The following ATAD2B variants were observed in gnomAD, a reference collection of about 807,000 sequenced individuals.
ATAD2B encodes the protein ATPase family AAA domain-containing protein 2B.
In ATAD2B, 40 loss-of-function variants were observed where a neutral mutation model predicts 167.6. That is an observed-to-expected ratio of 0.24 (90% CI 0.19 to 0.31). The LOEUF is 0.31. ATAD2B is among the 10% of genes least tolerant of loss of function. The pLI is 1.00. For synonymous variants in ATAD2B, 579 were observed against 596.5 expected (o/e 0.97, Z 0.43); for missense variants, 1,242 against 1,757.2 (o/e 0.71, Z 5.24).
rs116740489 is a variant in ATAD2B at position 23,760,570 on chromosome 2, G to A, written c.3394+1639C>T. 6.1e-3 allele frequency among the ~76,000 whole-genome samples: 934 copies of A among 151,876 alleles called. 8 individuals are homozygous for A. The highest frequency in any genetic ancestry group is 0.022 in the African/African-American group (898 of 41,386). On this transcript the variant is annotated intron_variant, in intron 24 of 27. Coordinates refer to ENST00000238789, the MANE Select transcript of ATAD2B (RefSeq NM_017552.4). ...CCCAGTAGCTTGGGAAGCTGAGGTG[G>A]GAGAATTGCTTGAACCTGAGGAGGC...
chr2:23,714,064 C>G, the ATAD2B span, among the ~76,000 whole-genome samples: 1,801 of 152,138 alleles, frequency 0.012, 47 homozygotes, highest in African/African-American at 0.041. Flanking sequence ...CGTATTTGGC[C>G]ATTACCCCCC....
intron 1 of ATAD2B, among the ~76,000 whole-genome samples, chr2:23,903,553 C>T (rs1273481383): frequency 6.6e-6 from 1 of 152,040 alleles, no homozygotes; most frequent in Non-Finnish European, 1.5e-5. Flanking sequence ...CATCAGCTAC[C>T]ATAAATAGTG....
chr2:23,707,127 T>A, the ATAD2B span: 2 of 153,014 alleles, frequency 1.3e-5, no homozygotes, highest in African/African-American at 4.8e-5. Flanking sequence ...ATCTACACTT[T>A]CAGTGGCCGA....
intron 12 of ATAD2B, among the ~76,000 whole-genome samples, chr2:23,858,231 C>T (rs527869909): frequency 1.8e-4 from 27 of 152,092 alleles, no homozygotes; most frequent in African/African-American, 6.5e-4. Flanking sequence ...ACTGATTCTC[C>T]TGCCTCAGCC....
intron 9 of ATAD2B, among the ~76,000 whole-genome samples, chr2:23,869,070 T>C (rs1217949494): frequency 6.6e-6 from 1 of 152,204 alleles, no homozygotes; most frequent in Non-Finnish European, 1.5e-5. Flanking sequence ...TTCCAAGACC[T>C]GCTAACTGAA....
At chr2:23,861,377 T>C (rs1164503990) in intron 12 of ATAD2B, among the ~76,000 whole-genome samples, 1 of 151,984 alleles carries the variant, frequency 6.6e-6, no homozygotes, top group African/African-American at 2.4e-5. Context: ...CAAACATTTT[T>C]CTGACATAGA....
chr2:23,815,387 T>G (rs988561724), intron 17 of ATAD2B, among the ~76,000 whole-genome samples: 1 of 152,110 alleles, frequency 6.6e-6, no homozygotes, highest in Non-Finnish European at 1.5e-5. Context: ...GGAAAGAAGT[T>G]GAGAATGATG....
the ATAD2B span, chr2:23,697,384 T>A: frequency 2.0e-5 from 3 of 152,256 alleles, no homozygotes; most frequent in Non-Finnish European, 2.9e-5. Flanking sequence ...AACTAGTGCC[T>A]GGAGGGTAAC....
the ATAD2B span, chr2:23,693,231 G>C: frequency 1.3e-6 from 2 of 1,519,262 alleles, no homozygotes; most frequent in African/African-American, 2.8e-5. Flanking sequence ...ACTGCTTCCC[G>C]GGCCTTTGGG....
At chr2:23,913,238 CTA>C (rs1702552819) in intron 1 of ATAD2B, among the ~76,000 whole-genome samples, 1 of 152,178 alleles carries the variant, frequency 6.6e-6, no homozygotes, top group African/African-American at 2.4e-5. Context: ...AATATACAAA[CTA>C]TGTTAAGTGA....
chr2:23,783,167 G>T, intron 21 of ATAD2B, 139 bp from the exon 22 acceptor site: 1 of 442,306 alleles, frequency 2.3e-6, no homozygotes, highest in Non-Finnish European at 3.8e-6. Context: ...AAATTGCAGC[G>T]CTATTTATGC....
intron 20 of ATAD2B, 139 bp downstream of exon 20, chr2:23,788,373 C>T (rs1439506642): frequency 1.1e-6 from 1 of 944,338 alleles, no homozygotes; most frequent in Non-Finnish European, 1.6e-6. Flanking sequence ...TGGACACTTC[C>T]ACACGTCATC....
At chr2:23,899,881 G>A (rs937918784) in intron 1 of ATAD2B, among the ~76,000 whole-genome samples, 33 of 149,608 alleles carry the variant, frequency 2.2e-4, no homozygotes, top group East Asian at 7.8e-4. Context: ...GAGCCACCGC[G>A]CCCAGTAGTC....
chr2:23,877,970 T>G (rs979060861), intron 7 of ATAD2B, among the ~76,000 whole-genome samples: 7 of 119,846 alleles, frequency 5.8e-5, no homozygotes, highest in Non-Finnish European at 9.7e-5. Flanking sequence ...CAGTGAGCCA[T>G]GTTCGCACCA....
At position 23,762,210 on chromosome 2, in the gene ATAD2B, T is replaced by C; in HGVS notation, c.3393A>G (p.Ala1131=). The stretch of plus-strand genomic sequence containing the variant: ...GATAACATGAGCTGAAATACTCACA[T>C]GCACATTTATTTGCAGAGTTGTGCC... ...DVWHNSANKC[A]FRVRRKSRRR... Residue 1131 remains alanine, a splice_region_variant and synonymous_variant, in exon 24 of 28, where the codon GCA becomes GCG. Coordinates refer to ENST00000238789, the MANE Select transcript of ATAD2B (RefSeq NM_017552.4). 1 of 1,613,496 alleles carries C rather than the reference T, an allele frequency of 6.2e-7. No homozygotes were observed. The highest frequency in any genetic ancestry group is 1.6e-4 in the Middle Eastern group (1 of 6,062).
intron 1 of ATAD2B, 107 bp from the exon 2 acceptor site, chr2:23,896,077 G>C (rs1700110677): frequency 1.2e-6 from 1 of 843,928 alleles, no homozygotes; most frequent in Non-Finnish European, 1.7e-6. Flanking sequence ...AGCACTTTGG[G>C]TGGCCGAGGT....
chr2:23,878,389 T>C (rs528105556), intron 7 of ATAD2B, among the ~76,000 whole-genome samples: 2 of 151,886 alleles, frequency 1.3e-5, no homozygotes, highest in African/African-American at 2.4e-5. Context: ...CCAGGTGCAG[T>C]GGCTCACGCC....
chr2:23,691,958 G>A, the ATAD2B span: 7 of 1,400,812 alleles, frequency 5.0e-6, no homozygotes, highest in Middle Eastern at 1.8e-4. Context: ...GGACTGAGCG[G>A]GGAGGTCTGT....
the ATAD2B span, among the ~76,000 whole-genome samples, chr2:23,737,474 G>A: frequency 6.6e-6 from 1 of 152,218 alleles, no homozygotes; most frequent in East Asian, 1.9e-4. Context: ...CAACAGACCT[G>A]CAGCTGAGGG....
Sources: gnomAD v4.1 joint callset for allele counts (sites outside exome capture counted in the v4.1 genomes callset) on GRCh38, gnomAD v4.1.1 for gene constraint, MANE v1.5 for transcripts, NCBI Gene and HGNC (gene_info 2026-07-23, HGNC 2026-07-21) for gene names.